The following FAF1 variants were observed in gnomAD, a reference collection of about 807,000 sequenced individuals.
FAF1 encodes FAS-associated factor 1.
FAF1 carries 25 observed loss-of-function variants against 92.5 expected under a neutral mutation model. That is an observed-to-expected ratio of 0.27 (90% confidence interval 0.20 to 0.38). FAF1 has a LOEUF of 0.38. FAF1 is among the 10% of genes least tolerant of loss of function. The pLI is 1.00. For synonymous variants in FAF1, 234 were observed against 273.2 expected (o/e 0.86, Z 1.42); for missense variants, 636 against 793.3 (o/e 0.80, Z 2.38).
Position 50,822,778 on chromosome 1 carries a change from T to C in FAF1, c.115-21101A>G, listed in dbSNP as rs191741163. Among the ~76,000 whole-genome samples, 678 of 104,946 alleles carry C rather than the reference T, an allele frequency of 6.5e-3. 14 individuals are homozygous for C. Among genetic ancestry groups the C allele is most frequent in the Admixed American group, 0.033 (348 of 10,472 alleles). 68.8% of individuals were successfully genotyped at this position (104,946 alleles called of 152,430 possible). ...TCTTTCTTTCTTTCTTTCTTTCTTT[T>C]TTTTTTTTTTTTTGAGACGCAGTTT... On this transcript the variant is annotated intron_variant, in intron 2 of 18. Coordinates refer to ENST00000396153, the MANE Select transcript of FAF1 (RefSeq NM_007051.3).
chr1:50,545,583 TA>T (rs1292406152), intron 13 of FAF1, among the ~76,000 whole-genome samples: 1 of 145,598 alleles, frequency 6.9e-6, no homozygotes, highest in Non-Finnish European at 1.5e-5. Context: ...AGCTATATTT[TA>T]AAAAAAAAGA....
intron 8 of FAF1, among the ~76,000 whole-genome samples, chr1:50,614,416 G>T (rs1488029314): frequency 1.3e-5 from 2 of 151,510 alleles, no homozygotes; most frequent in South Asian, 4.2e-4. Context: ...GTTAAGGGGG[G>T]AAAAAAAAGA....
Position 50,439,156 on chromosome 1 carries a change from G to C in FAF1, c.*2284C>G, listed in dbSNP as rs1391141319. ...ACTCACTTACTGGGCCTGGAGGCTGGGATGTAAAGCCCAAGGAAGCCTAAT... is the reference window on the plus strand; with the variant it reads ...ACTCACTTACTGGGCCTGGAGGCTGCGATGTAAAGCCCAAGGAAGCCTAAT... On this transcript the variant is annotated 3_prime_UTR_variant, in exon 19 of 19. Transcript: ENST00000396153. 1 of 152,274 alleles carries C rather than the reference G, an allele frequency of 6.6e-6. No individual in the cohort carries two copies. The highest frequency in any genetic ancestry group is 2.4e-5 in the African/African-American group (1 of 41,458). 9.4% of individuals were successfully genotyped at this position (152,274 alleles called of 1,614,324 possible).
At chr1:50,578,450 T>C (rs1373818216) in intron 12 of FAF1, among the ~76,000 whole-genome samples, 1 of 152,138 alleles carries the variant, frequency 6.6e-6, no homozygotes, top group Non-Finnish European at 1.5e-5. Context: ...AAGTGTGAAA[T>C]ATGAAAAGGA....
chr1:50,685,560 A>G (rs1034009063), intron 7 of FAF1, among the ~76,000 whole-genome samples: 8 of 152,220 alleles, frequency 5.3e-5, no homozygotes, highest in Non-Finnish European at 7.3e-5. Context: ...CTGCATCAGT[A>G]TCTCTGTTTA....
chr1:50,941,845 C>A (rs1054216648), intron 1 of FAF1, among the ~76,000 whole-genome samples: 1 of 152,166 alleles, frequency 6.6e-6, no homozygotes, highest in Admixed American at 6.5e-5. Flanking sequence ...ACCTAATTTT[C>A]TATTTAAAAT....
chr1:50,859,761 T>C (rs898483408), intron 1 of FAF1, among the ~76,000 whole-genome samples: 3 of 151,942 alleles, frequency 2.0e-5, no homozygotes, highest in Non-Finnish European at 2.9e-5. Context: ...AAAATTCATA[T>C]GGAATCAAAA....
At chr1:50,885,996 C>T (rs1346470736) in intron 1 of FAF1, among the ~76,000 whole-genome samples, 1 of 152,124 alleles carries the variant, frequency 6.6e-6, no homozygotes, top group African/African-American at 2.4e-5. Flanking sequence ...CATCAGCCCC[C>T]CTCTTTTTAA....
intron 1 of FAF1, among the ~76,000 whole-genome samples, chr1:50,939,308 T>C (rs1448395092): frequency 6.6e-6 from 1 of 152,210 alleles, no homozygotes; most frequent in Non-Finnish European, 1.5e-5. Flanking sequence ...TCATAGGTAT[T>C]TCATATTCTT....
chr1:50,819,705 A>ATATATATATACC (rs1644017490), intron 2 of FAF1, among the ~76,000 whole-genome samples: 1 of 46,312 alleles, frequency 2.2e-5, no homozygotes, highest in Non-Finnish European at 4.1e-5. Context: ...ATATATATAC[A>ATATATATATACC]TATATATATA....
intron 1 of FAF1, among the ~76,000 whole-genome samples, chr1:50,865,074 A>G (rs1490505713): frequency 1.1e-4 from 16 of 152,314 alleles, no homozygotes; most frequent in Admixed American, 9.8e-4. Flanking sequence ...GCAGCCAAAA[A>G]ACACATGAAA....
intron 2 of FAF1, among the ~76,000 whole-genome samples, chr1:50,857,092 T>C (rs1449763393): frequency 6.6e-6 from 1 of 151,818 alleles, no homozygotes; most frequent in Non-Finnish European, 1.5e-5. Context: ...TTTCATTACA[T>C]TAAGCATCAT....
intron 6 of FAF1, among the ~76,000 whole-genome samples, chr1:50,719,106 T>A (rs1658305885): frequency 6.6e-6 from 1 of 152,226 alleles, no homozygotes; most frequent in South Asian, 2.1e-4. Flanking sequence ...ATGTTTACAT[T>A]AGATTGTATT....
chr1:50,510,577 C>G (rs1454838212), intron 15 of FAF1, among the ~76,000 whole-genome samples: 1 of 152,130 alleles, frequency 6.6e-6, no homozygotes, highest in Non-Finnish European at 1.5e-5. Flanking sequence ...CCCTATGTGT[C>G]AGGGCTCTGA....
chr1:50,494,980 T>A (rs553076437), intron 15 of FAF1, among the ~76,000 whole-genome samples: 137 of 152,144 alleles, frequency 9.0e-4, no homozygotes, highest in South Asian at 2.7e-3. Context: ...GTTAAAAAAA[T>A]TTTTTTTGAG....
chr1:50,911,223 C>T (rs980087804), intron 1 of FAF1, among the ~76,000 whole-genome samples: 1 of 151,634 alleles, frequency 6.6e-6, no homozygotes. Context: ...CAGGCCACAC[C>T]ACCATACCCA....
chr1:50,588,955 G>A (rs1043522013), intron 9 of FAF1, among the ~76,000 whole-genome samples: 11 of 152,196 alleles, frequency 7.2e-5, no homozygotes, highest in Non-Finnish European at 1.5e-4. Flanking sequence ...GATGGTCAGG[G>A]CTGGAAGCTT....
At chr1:50,832,779 TAAC>T (rs1570022601) in intron 2 of FAF1, among the ~76,000 whole-genome samples, 2 of 152,202 alleles carry the variant, frequency 1.3e-5, no homozygotes, top group Admixed American at 1.3e-4. Flanking sequence ...TGTGGGAAAA[TAAC>T]ATTTTCTGTG....
chr1:50,663,693 G>C (rs906985695), intron 7 of FAF1, among the ~76,000 whole-genome samples: 2 of 151,658 alleles, frequency 1.3e-5, no homozygotes, highest in East Asian at 1.9e-4. Context: ...GTGAGCCACC[G>C]CGCCCGGCCA....
Sources: allele counts gnomAD v4.1 joint callset (sites outside exome capture counted in the v4.1 genomes callset), GRCh38; gene constraint gnomAD v4.1.1; transcripts MANE v1.5; gene names NCBI Gene and HGNC (gene_info 2026-07-23, HGNC 2026-07-21).